NUP210L: variants seen among roughly 807,000 people sequenced by gnomAD.
NUP210L encodes nucleoporin 210 like.
Under a neutral mutation model 208.5 loss-of-function variants are expected in NUP210L, and 74 were observed. The ratio of observed to expected loss-of-function variants is 0.35; its 90% CI spans 0.29 to 0.43. The LOEUF (loss-of-function observed/expected upper bound fraction) is 0.43. Ranked by LOEUF, NUP210L falls within the 20% of genes least tolerant of loss-of-function variation. The pLI is 1.00. For missense variants in NUP210L, 1,843 were observed against 2,289.4 expected, an observed-to-expected ratio of 0.81 and a Z score of 3.98; for synonymous variants, 780 against 816.9, an observed-to-expected ratio of 0.95 and a Z score of 0.77.
intron 12 of NUP210L, among the ~76,000 whole-genome samples, chr1:154,109,825 A>T (rs1656950807): frequency 6.6e-6 from 1 of 151,582 alleles, no homozygotes; most frequent in South Asian, 2.1e-4. Flanking sequence ...GAAATTAAGA[A>T]AGAGATTTTA....
intron 37 of NUP210L, chr1:153,995,579 A>G (rs1450366955): frequency 4.0e-6 from 3 of 758,248 alleles, no homozygotes; most frequent in Non-Finnish European, 7.1e-6. Context: ...CTACTTTAAA[A>G]TGCTGGTTAC....
intron 12 of NUP210L, chr1:154,104,552 A>T (rs1235122337): frequency 2.5e-5 from 5 of 196,956 alleles, no homozygotes; most frequent in African/African-American, 1.2e-4. Flanking sequence ...TGATTGTGGG[A>T]CTTTGCATTC....
intron 6 of NUP210L, among the ~76,000 whole-genome samples, chr1:154,137,551 G>GAA (rs71096513): frequency 1.5e-5 from 2 of 135,208 alleles, no homozygotes; most frequent in Non-Finnish European, 3.2e-5. Flanking sequence ...ACTACATCTA[G>GAA]AAAAAAAAAA....
At chr1:154,061,757 C>T (rs186690029) in intron 17 of NUP210L, 83 bp from the exon 18 acceptor site, 58 of 853,084 alleles carry the variant, frequency 6.8e-5, no homozygotes, top group Middle Eastern at 4.4e-4. Flanking sequence ...CATTCTGCCA[C>T]AGTTTTTCCA....
At chr1:154,015,280 TA>T (rs35604037) in intron 33 of NUP210L, among the ~76,000 whole-genome samples, 39,079 of 133,108 alleles carry the variant, frequency 0.29, 5,494 homozygotes, top group Admixed American at 0.4. Context: ...TACTGGATGT[TA>T]AAAAAAAAAA....
chr1:154,006,429 C>A (rs1164799942), intron 35 of NUP210L, among the ~76,000 whole-genome samples: 1 of 152,042 alleles, frequency 6.6e-6, no homozygotes, highest in African/African-American at 2.4e-5. Context: ...CTCTGTAAAA[C>A]CTTACTTAAT....
At chr1:154,067,425 G>A (rs1351696957) in intron 17 of NUP210L, among the ~76,000 whole-genome samples, 1 of 152,074 alleles carries the variant, frequency 6.6e-6, no homozygotes, top group East Asian at 1.9e-4. Flanking sequence ...ATTAAACTAG[G>A]TATTGATGGG....
chr1:154,044,646 T>C (rs981301324), intron 27 of NUP210L, among the ~76,000 whole-genome samples: 1 of 152,166 alleles, frequency 6.6e-6, no homozygotes, highest in African/African-American at 2.4e-5. Flanking sequence ...GCTGCCGAAA[T>C]ATCCTCGTAA....
At chr1:154,020,355 G>C (rs1651483820) in intron 32 of NUP210L, among the ~76,000 whole-genome samples, 1 of 152,146 alleles carries the variant, frequency 6.6e-6, no homozygotes, top group African/African-American at 2.4e-5. Flanking sequence ...ACCAAAGAAT[G>C]ATTTCCTTTT....
chr1:154,071,956 G>C (rs1654757821), intron 16 of NUP210L, among the ~76,000 whole-genome samples: 1 of 150,358 alleles, frequency 6.7e-6, no homozygotes, highest in South Asian at 2.1e-4. Flanking sequence ...CCTTTATATG[G>C]CTGAGTAGTA....
chr1:154,053,884 G>A (rs1443890756), intron 25 of NUP210L, among the ~76,000 whole-genome samples: 1 of 151,950 alleles, frequency 6.6e-6, no homozygotes. Context: ...GCTGGGTTAG[G>A]GTCTCCACAA....
chr1:154,081,517 A>G lies in NUP210L; in HGVS notation c.2361+7904T>C, dbSNP rs1229283807. On this transcript the variant is annotated intron_variant, in intron 16 of 39. Transcript: ENST00000368559. ...ATGAGATGACTCAGGATGGAGTTGGATAAGGACAGAAAGACCAATCATGTG... is the reference window on the plus strand; with the variant it reads ...ATGAGATGACTCAGGATGGAGTTGGGTAAGGACAGAAAGACCAATCATGTG... Among the ~76,000 whole-genome samples the G allele has an allele frequency of 5.3e-5, 8 of 152,200 alleles. No individual in the cohort carries two copies. The East Asian group carries it at 1.5e-3, about 29-fold the overall frequency.
chr1:154,032,716 G>A (rs1652303230), intron 27 of NUP210L, among the ~76,000 whole-genome samples: 1 of 151,962 alleles, frequency 6.6e-6, no homozygotes, highest in African/African-American at 2.4e-5. Context: ...TTAGGAGTTC[G>A]AGACCAGCCT....
chr1:154,001,124 C>T lies in NUP210L; in HGVS notation c.5182-64G>A, dbSNP rs540613644. On this transcript the variant is annotated intron_variant, in intron 36 of 39. Coordinates refer to ENST00000368559, the Ensembl canonical transcript of NUP210L. ...AAATCAACTTTGTATCAGTATGTTCCAATCTGAAACATATACAGTACAATA... is the reference window on the plus strand; with the variant it reads ...AAATCAACTTTGTATCAGTATGTTCTAATCTGAAACATATACAGTACAATA... 5.6e-6 allele frequency: 7 copies of T among 1,254,648 alleles called. No homozygotes were observed. In the Admixed American group the frequency reaches 1.1e-4, roughly 20 times the overall value. 77.7% of individuals were successfully genotyped at this position (1,254,648 alleles called of 1,614,324 possible).
intron 37 of NUP210L, among the ~76,000 whole-genome samples, chr1:153,997,710 T>G (rs1649977625): frequency 6.7e-6 from 1 of 149,008 alleles, no homozygotes. Flanking sequence ...TTTTTTTTTT[T>G]GAGACAGAGT....
chr1:154,109,502 A>G lies in NUP210L; in HGVS notation c.1621-5292T>C, dbSNP rs1161859186. Among the ~76,000 whole-genome samples, 7 of 150,692 alleles carry G rather than the reference A, an allele frequency of 4.6e-5. 1 individual carries two copies. Among genetic ancestry groups the G allele is most frequent in the African/African-American group, 1.5e-4 (6 of 40,306 alleles). On this transcript the variant is annotated intron_variant, in intron 12 of 39. Coordinates refer to ENST00000368559, the Ensembl canonical transcript of NUP210L. ...CAGATTATCCAGACAGATAATCAAC[A>G]AAGAAGCATCAAACTTAGTCTACAA... is the stretch of plus-strand genomic sequence containing the variant.
At chr1:154,030,316 AAAAATT>A (rs1425413069) in intron 27 of NUP210L, among the ~76,000 whole-genome samples, 1 of 151,996 alleles carries the variant, frequency 6.6e-6, no homozygotes, top group Non-Finnish European at 1.5e-5. Context: ...TAACTTATGA[AAAAATT>A]AAAATTAAAA....
chr1:154,147,814 C>A (rs1384075107), intron 2 of NUP210L, among the ~76,000 whole-genome samples: 1 of 151,246 alleles, frequency 6.6e-6, no homozygotes, highest in Non-Finnish European at 1.5e-5. Context: ...CACCACCATG[C>A]CTGGCTAATT....
intron 38 of NUP210L, 71 bp from the exon 39 acceptor site, chr1:153,993,160 A>C (rs930157460): frequency 2.1e-6 from 2 of 954,836 alleles, no homozygotes; most frequent in Non-Finnish European, 3.2e-6. Context: ...CAACTCTAGA[A>C]TGAGAATATT....
Sources: allele counts gnomAD v4.1 joint callset (sites outside exome capture counted in the v4.1 genomes callset), GRCh38; gene constraint gnomAD v4.1.1; transcripts MANE v1.5; gene names NCBI Gene and HGNC (gene_info 2026-07-23, HGNC 2026-07-21).